The following FAM149B1 variants were observed in gnomAD, a reference collection of about 807,000 sequenced individuals.
FAM149B1 encodes primary cilium assembly protein FAM149B1.
A neutral mutation model predicts 75.3 loss-of-function variants in FAM149B1; 56 were observed. That is an observed-to-expected ratio of 0.74 (90% CI 0.60 to 0.93). The LOEUF (loss-of-function observed/expected upper bound fraction) is 0.93. Among genes scored for constraint, FAM149B1 ranks in the 40% least tolerant of loss-of-function variants. The pLI, the probability that FAM149B1 is intolerant of heterozygous loss-of-function variation, is 0.00. For synonymous variants in FAM149B1, 259 were observed against 256.1 expected (o/e 1.01, Z -0.11); for missense variants, 639 against 708.4 (o/e 0.90, Z 1.11).
intron 3 of FAM149B1, among the ~76,000 whole-genome samples, chr10:73,178,817 A>C (rs1844085231): frequency 6.6e-6 from 1 of 152,186 alleles, no homozygotes. Flanking sequence ...TGATGAGATG[A>C]GTGATTTTTA....
intron 7 of FAM149B1, among the ~76,000 whole-genome samples, chr10:73,215,023 G>T (rs907793979): frequency 5.3e-5 from 8 of 151,516 alleles, no homozygotes; most frequent in Admixed American, 4.6e-4. Context: ...TCAGTTTTTG[G>T]TTTTTTTGGA....
chr10:73,222,112 T>C (rs2043429772), intron 7 of FAM149B1, among the ~76,000 whole-genome samples: 1 of 152,206 alleles, frequency 6.6e-6, no homozygotes, highest in South Asian at 2.1e-4. Context: ...CTGGTGATCT[T>C]TGATTAGATT....
intron 7 of FAM149B1, among the ~76,000 whole-genome samples, chr10:73,225,414 T>G (rs2043517625): frequency 6.6e-6 from 1 of 152,204 alleles, no homozygotes; most frequent in African/African-American, 2.4e-5. Flanking sequence ...TGTGTGTTTG[T>G]GTCTTAGATT....
At chr10:73,188,677 G>A (rs956516999) in intron 3 of FAM149B1, among the ~76,000 whole-genome samples, 1 of 150,526 alleles carries the variant, frequency 6.6e-6, no homozygotes, top group Non-Finnish European at 1.5e-5. Flanking sequence ...GGTGCAGGAG[G>A]TCGTGCCACT....
chr10:73,194,439 C>A (rs2042752416), intron 5 of FAM149B1, among the ~76,000 whole-genome samples: 1 of 152,062 alleles, frequency 6.6e-6, no homozygotes, highest in Non-Finnish European at 1.5e-5. Flanking sequence ...CTCGCCCAGG[C>A]TGGAGTGCAG....
At chr10:73,193,123 G>A (rs1000073724) in intron 4 of FAM149B1, among the ~76,000 whole-genome samples, 2 of 152,182 alleles carry the variant, frequency 1.3e-5, no homozygotes, top group South Asian at 2.1e-4. Flanking sequence ...AAAGCTTCAC[G>A]TTTTTAAGAA....
At chr10:73,224,123 T>C (rs1282542055) in intron 7 of FAM149B1, among the ~76,000 whole-genome samples, 1 of 152,204 alleles carries the variant, frequency 6.6e-6, no homozygotes, top group African/African-American at 2.4e-5. Flanking sequence ...TGGCATTTAG[T>C]AGGTTGACTG....
At chr10:73,176,037 A>G (rs1177709052) in intron 2 of FAM149B1, among the ~76,000 whole-genome samples, 3 of 152,146 alleles carry the variant, frequency 2.0e-5, no homozygotes, top group Non-Finnish European at 4.4e-5. Context: ...ATTGTAATAT[A>G]TGATGAAATA....
At chr10:73,202,859 T>G (rs916014617) in intron 5 of FAM149B1, among the ~76,000 whole-genome samples, 3 of 151,918 alleles carry the variant, frequency 2.0e-5, no homozygotes, top group African/African-American at 7.3e-5. Context: ...TCTGGCTAAT[T>G]TTGTATTTTT....
chr10:73,190,241 A>AT lies in FAM149B1; in HGVS notation c.283-2300dup, dbSNP rs56855443. ...GCAATGTTCAAAGAAGTAGTCACTG[A>AT]TTTTTTTTTTTTTTTAGACCCGAAG... On this transcript the variant is annotated intron_variant, in intron 3 of 13. Transcript: ENST00000242505. Among the ~76,000 whole-genome samples, 546 of 144,054 alleles carry AT rather than the reference A, an allele frequency of 3.8e-3. 4 individuals carry two copies. Among genetic ancestry groups the AT allele is most frequent in the African/African-American group, 1.0e-2 (396 of 39,710 alleles). 94.5% of individuals were successfully genotyped at this position (144,054 alleles called of 152,430 possible).
chr10:73,193,518 G>C lies in FAM149B1; in HGVS notation c.467G>C (p.Arg156Thr), dbSNP rs1312934302. 1 of 1,550,388 alleles carries C rather than the reference G, an allele frequency of 6.4e-7. No individual in the cohort carries two copies. The highest frequency in any genetic ancestry group is 2.0e-5 in the Admixed American group (1 of 50,990). Reference sequence around the variant, plus strand: ...ATAATCACTCCAAGTGAAGGTTATAGATTGTATCCTAGATCCCCTTCTGCT... The same window carrying C: ...ATAATCACTCCAAGTGAAGGTTATACATTGTATCCTAGATCCCCTTCTGCT... ...RQIITPSEGY[R>T]LYPRSPSAVS... Residue 156 changes from arginine to threonine, a missense_variant, in exon 5 of 14, where the codon AGA becomes ACA. Arg to Thr is a moderately conservative substitution (Grantham distance 71). Coordinates refer to ENST00000242505, the MANE Select transcript of FAM149B1 (RefSeq NM_173348.2).
chr10:73,179,436 T>C lies in FAM149B1; in HGVS notation c.282+1461T>C, dbSNP rs957741001. 9.2e-5 allele frequency among the ~76,000 whole-genome samples: 14 copies of C among 152,044 alleles called. No individual in the cohort carries two copies. In the East Asian group the frequency reaches 2.5e-3, roughly 27 times the overall value. ...AGGCTCTTTCTTTCTGTCTTTTCTT[T>C]CTTTCTTCTTTCTCTGTCACGCAGG... is the stretch of plus-strand genomic sequence containing the variant. On this transcript the variant is annotated intron_variant, in intron 3 of 13. Coordinates refer to ENST00000242505, the MANE Select transcript of FAM149B1 (RefSeq NM_173348.2).
chr10:73,170,600 G>A (rs117506769), intron 1 of FAM149B1, among the ~76,000 whole-genome samples: 32 of 152,110 alleles, frequency 2.1e-4, no homozygotes, highest in African/African-American at 5.1e-4. Context: ...TTGTCCCTTC[G>A]CACTTTTACT....
chr10:73,183,230 A>G (rs1401129312), intron 3 of FAM149B1: 3 of 152,232 alleles, frequency 2.0e-5, no homozygotes, highest in Admixed American at 6.5e-5. Flanking sequence ...TTAAAGCAAA[A>G]TATATGCTTG....
intron 10 of FAM149B1, among the ~76,000 whole-genome samples, chr10:73,233,453 C>A (rs1564715842): frequency 6.6e-6 from 1 of 152,034 alleles, no homozygotes; most frequent in African/African-American, 2.4e-5. Context: ...GTTCTCCCAC[C>A]CCAGCCTCTC....
intron 13 of FAM149B1, among the ~76,000 whole-genome samples, chr10:73,240,572 T>C (rs899830489): frequency 5.3e-5 from 8 of 151,376 alleles, no homozygotes; most frequent in Non-Finnish European, 1.0e-4. Flanking sequence ...ATTAGCCGGG[T>C]GTGGTGGCAG....
chr10:73,232,285 T>C (rs2043724577), intron 9 of FAM149B1, among the ~76,000 whole-genome samples: 1 of 152,220 alleles, frequency 6.6e-6, no homozygotes, highest in African/African-American at 2.4e-5. Flanking sequence ...AGGTGTGGTA[T>C]TATTTTATTT....
chr10:73,228,882 C>T (rs1440537554), intron 8 of FAM149B1, among the ~76,000 whole-genome samples: 3 of 152,070 alleles, frequency 2.0e-5, no homozygotes, highest in African/African-American at 4.8e-5. Flanking sequence ...AGGCATGAGC[C>T]ACCACCGCAC....
At chr10:73,216,437 A>C (rs902298050) in intron 7 of FAM149B1, among the ~76,000 whole-genome samples, 2 of 152,054 alleles carry the variant, frequency 1.3e-5, no homozygotes, top group Admixed American at 1.3e-4. Context: ...TGTCATATTG[A>C]TGATTGTTTT....
Sources: allele counts gnomAD v4.1 joint callset (sites outside exome capture counted in the v4.1 genomes callset), GRCh38; gene constraint gnomAD v4.1.1; transcripts MANE v1.5; gene names NCBI Gene and HGNC (gene_info 2026-07-23, HGNC 2026-07-21).